ATG7: variants seen among roughly 807,000 people sequenced by gnomAD.
ATG7 encodes the protein ubiquitin-like modifier-activating enzyme ATG7.
A neutral mutation model predicts 82.4 loss-of-function variants in ATG7; 70 were observed. That is an observed-to-expected ratio of 0.85 (90% CI 0.70 to 1.04). ATG7 has a LOEUF of 1.04. Among genes scored for constraint, ATG7 ranks in the 50% least tolerant of loss-of-function variants. The pLI is 0.00. For missense variants in ATG7, 792 were observed against 864.3 expected (o/e 0.92, Z 1.05); for synonymous variants, 287 against 313.0 (o/e 0.92, Z 0.88).
intron 20 of ATG7, among the ~76,000 whole-genome samples, chr3:11,482,835 G>A (rs974886704): frequency 4.7e-5 from 7 of 150,034 alleles, no homozygotes; most frequent in Non-Finnish European, 1.0e-4. Flanking sequence ...ACAATTAAGT[G>A]CATATATCTT....
At chr3:11,430,941 A>G (rs1308509862) in intron 20 of ATG7, among the ~76,000 whole-genome samples, 1 of 152,222 alleles carries the variant, frequency 6.6e-6, no homozygotes, top group Non-Finnish European at 1.5e-5. Flanking sequence ...AGGGAAGGGC[A>G]AGAAGCCTAG....
At chr3:11,574,779 C>CTA in the ATG7 span, among the ~76,000 whole-genome samples, 20 of 121,790 alleles carry the variant, frequency 1.6e-4, no homozygotes, top group East Asian at 2.0e-3. Context: ...GTCAATTCAA[C>CTA]TATATATGTG....
At chr3:11,417,921 C>T (rs2081540869) in intron 19 of ATG7, among the ~76,000 whole-genome samples, 1 of 151,150 alleles carries the variant, frequency 6.6e-6, no homozygotes, top group Non-Finnish European at 1.5e-5. Flanking sequence ...CGCCATTCTG[C>T]CTCAGCCTCC....
chr3:11,546,165 T>A (rs1355227392), intron 20 of ATG7, among the ~76,000 whole-genome samples: 16 of 82,990 alleles, frequency 1.9e-4, no homozygotes, highest in African/African-American at 7.9e-4. Flanking sequence ...AAACTGGATT[T>A]TTTTTTTTTT....
At chr3:11,427,258 A>C (rs1364446051) in intron 20 of ATG7, among the ~76,000 whole-genome samples, 1 of 152,164 alleles carries the variant, frequency 6.6e-6, no homozygotes, top group Non-Finnish European at 1.5e-5. Context: ...TCCATATATC[A>C]AAATGTAAGT....
intron 5 of ATG7, among the ~76,000 whole-genome samples, chr3:11,306,685 A>C (rs1215377698): frequency 6.6e-6 from 1 of 152,206 alleles, no homozygotes; most frequent in Non-Finnish European, 1.5e-5. Context: ...ATAGGAAATG[A>C]ACTTCTCTTT....
rs528335307 is a variant in ATG7 at position 11,455,025 on chromosome 3, A to G, written c.2079+28099A>G. Among the ~76,000 whole-genome samples, 9 of 152,328 alleles carry G rather than the reference A, an allele frequency of 5.9e-5. No individual in the cohort carries two copies. In the South Asian group the frequency reaches 1.9e-3, roughly 32 times the overall value. ...CTGACTTACTGATTTATAAAAGTTC[A>G]GCTTTATTTCTCTCGAGTACAGTTA... On this transcript the variant is annotated intron_variant, in intron 20 of 20. Coordinates refer to ENST00000693202, the MANE Select transcript of ATG7 (RefSeq NM_001349232.2).
intron 20 of ATG7, among the ~76,000 whole-genome samples, chr3:11,489,651 T>C (rs1269774208): frequency 1.0e-4 from 15 of 146,374 alleles, no homozygotes; most frequent in East Asian, 8.0e-4. Flanking sequence ...GCTTTGAATG[T>C]GTCCCAGAGA....
chr3:11,373,239 CT>C (rs1339738017), intron 18 of ATG7, among the ~76,000 whole-genome samples: 2 of 140,554 alleles, frequency 1.4e-5, no homozygotes, highest in Non-Finnish European at 3.2e-5. Flanking sequence ...GGCAAAACAC[CT>C]TTGATATCAC....
intron 20 of ATG7, among the ~76,000 whole-genome samples, chr3:11,476,866 T>G (rs2153025515): frequency 6.6e-6 from 1 of 152,366 alleles, no homozygotes; most frequent in East Asian, 1.9e-4. Flanking sequence ...CTCCACTCCC[T>G]TGTTTAATGT....
chr3:11,528,971 A>C (rs1248998692), intron 20 of ATG7, among the ~76,000 whole-genome samples: 4 of 152,196 alleles, frequency 2.6e-5, no homozygotes, highest in African/African-American at 9.6e-5. Context: ...AGAGAGGTAC[A>C]GATAGGCTTT....
chr3:11,554,964 C>A lies in ATG7; in HGVS notation c.*121C>A. 7.8e-7 allele frequency: 1 copy of A among 1,276,130 alleles called. No individual in the cohort carries two copies. The highest frequency in any genetic ancestry group is 1.1e-6 in the Non-Finnish European group (1 of 938,246). The allele number at this position is 1,276,130 out of a possible 1,614,324, so 79.1% of individuals were successfully genotyped here. A position where few individuals can be genotyped will look rare whatever the true frequency, so the allele number is the denominator to read the frequency against. On this transcript the variant is annotated 3_prime_UTR_variant, in exon 21 of 21. Coordinates refer to ENST00000693202, the MANE Select transcript of ATG7 (RefSeq NM_001349232.2). ...GGGCCCCTCCTCCATACCCCGAGGT[C>A]TGGGATTCCCCCCTCTGCTGCCCAG...
At chr3:11,281,145 C>G (rs1005089971) in intron 2 of ATG7, 43 bp downstream of exon 2, 1 of 152,142 alleles carries the variant, frequency 6.6e-6, no homozygotes, top group Non-Finnish European at 1.5e-5. Context: ...CTTAGAGAAA[C>G]CATATTGGCC....
At chr3:11,288,125 G>A (rs1944390079) in intron 3 of ATG7, among the ~76,000 whole-genome samples, 1 of 152,212 alleles carries the variant, frequency 6.6e-6, no homozygotes, top group Admixed American at 6.5e-5. Context: ...CCCTGGTCTT[G>A]TCTGACTGCC....
intron 19 of ATG7, among the ~76,000 whole-genome samples, chr3:11,407,196 C>T (rs11712059): frequency 0.16 from 24,048 of 152,178 alleles, 2,771 homozygotes; most frequent in South Asian, 0.34. Context: ...AGCTCAGGCT[C>T]CATACAAGTC....
At chr3:11,449,935 A>G (rs943813924) in intron 20 of ATG7, among the ~76,000 whole-genome samples, 1 of 152,228 alleles carries the variant, frequency 6.6e-6, no homozygotes, top group African/African-American at 2.4e-5. Context: ...AGTAAATTCA[A>G]CAGCATCAAG....
chr3:11,440,347 C>T (rs1423803573), intron 20 of ATG7, among the ~76,000 whole-genome samples: 2 of 71,702 alleles, frequency 2.8e-5, no homozygotes, highest in East Asian at 1.1e-3. Flanking sequence ...TTTTTTGAGA[C>T]GGAGTCTCGC....
rs186531151 is a variant in ATG7, at chr3:11,282,323, C to T, written c.-126C>T. On this transcript the variant is annotated 5_prime_UTR_variant, in exon 3 of 21. Transcript: ENST00000693202. ...AAACCAAAATAAAAGAAAAACAGCT[C>T]CTGGAAGTAACCAATGAGAAGGACA... is the stretch of plus-strand genomic sequence containing the variant. 4 of 152,288 alleles carry T rather than the reference C, an allele frequency of 2.6e-5. No homozygotes were observed. In the East Asian group the frequency reaches 5.8e-4, roughly 22 times the overall value. 9.4% of individuals were successfully genotyped at this position (152,288 alleles called of 1,614,324 possible).
chr3:11,515,094 C>T (rs1185149750), intron 20 of ATG7, among the ~76,000 whole-genome samples: 1 of 152,144 alleles, frequency 6.6e-6, no homozygotes, highest in East Asian at 1.9e-4. Flanking sequence ...CCTCCTCAGC[C>T]TACCAAAGTG....
Sources: allele counts gnomAD v4.1 joint callset (sites outside exome capture counted in the v4.1 genomes callset), GRCh38; gene constraint gnomAD v4.1.1; transcripts MANE v1.5; gene names NCBI Gene and HGNC (gene_info 2026-07-23, HGNC 2026-07-21).